LTBP1: variants seen among roughly 807,000 people sequenced by gnomAD.
LTBP1 encodes the protein latent transforming growth factor beta binding protein 1.
In LTBP1, 129 loss-of-function variants were observed where a neutral mutation model predicts 207.6. That is an observed-to-expected ratio of 0.62 (90% CI 0.54 to 0.72). LTBP1 has a LOEUF of 0.72. Ranked by LOEUF, LTBP1 falls within the 30% of genes least tolerant of loss-of-function variation. The probability of loss-of-function intolerance (pLI) is 0.00; values close to 1 mark genes in which losing one functional copy is unlikely to be tolerated. For missense variants in LTBP1, 2,281 were observed against 2,217.2 expected (o/e 1.03, Z -0.58); for synonymous variants, 963 against 833.7 (o/e 1.16, Z -2.67).
At chr2:33,070,117 G>A (rs936203870) in intron 3 of LTBP1, among the ~76,000 whole-genome samples, 1 of 152,200 alleles carries the variant, frequency 6.6e-6, no homozygotes, top group Non-Finnish European at 1.5e-5. Context: ...CTTAACACCA[G>A]TCATCATGGT....
intron 3 of LTBP1, among the ~76,000 whole-genome samples, chr2:33,036,646 C>T (rs148293583): frequency 1.3e-4 from 20 of 152,074 alleles, no homozygotes; most frequent in Non-Finnish European, 2.4e-4. Context: ...TTAGTAGAGA[C>T]GGGGTTTCAC....
chr2:33,077,523 A>AG (rs2078146720), intron 3 of LTBP1, among the ~76,000 whole-genome samples: 1 of 152,118 alleles, frequency 6.6e-6, no homozygotes, highest in Non-Finnish European at 1.5e-5. Flanking sequence ...AGGAAGAGAG[A>AG]GGGGGGTGAG....
intron 2 of LTBP1, among the ~76,000 whole-genome samples, chr2:32,984,255 T>G (rs1257908383): frequency 6.6e-6 from 1 of 152,248 alleles, no homozygotes; most frequent in Non-Finnish European, 1.5e-5. Context: ...TCATTCGACT[T>G]CTGATACTAC....
At chr2:33,277,815 T>TCTTTCTCTCTCTCTCTCTCTCTC (rs1558933866) in intron 18 of LTBP1, among the ~76,000 whole-genome samples, 2 of 86,012 alleles carry the variant, frequency 2.3e-5, no homozygotes, top group Non-Finnish European at 2.4e-5. Context: ...CTTTCTTTTT[T>TCTTTCTCTCTCTCTCTCTCTCTC]TCTTTCTTTC....
At chr2:33,367,495 C>T (rs2095005842) in intron 31 of LTBP1, among the ~76,000 whole-genome samples, 1 of 152,078 alleles carries the variant, frequency 6.6e-6, no homozygotes, top group Non-Finnish European at 1.5e-5. Flanking sequence ...CAACCCTTAC[C>T]CCACTTCCAG....
At chr2:33,130,818 G>C (rs1035010973) in intron 4 of LTBP1, among the ~76,000 whole-genome samples, 1 of 152,138 alleles carries the variant, frequency 6.6e-6, no homozygotes, top group Non-Finnish European at 1.5e-5. Flanking sequence ...TCTAGCCAAG[G>C]CCTCCAAAAC....
chr2:33,284,385 G>T (rs1269122898), intron 19 of LTBP1, among the ~76,000 whole-genome samples: 3 of 151,838 alleles, frequency 2.0e-5, no homozygotes, highest in Non-Finnish European at 4.4e-5. Context: ...ATGCTTTTTG[G>T]CAACTCTTGT....
At chr2:33,380,052 TATC>T (rs1300781975) in intron 31 of LTBP1, among the ~76,000 whole-genome samples, 12 of 152,370 alleles carry the variant, frequency 7.9e-5, no homozygotes, top group African/African-American at 2.9e-4. Flanking sequence ...ACCTTTGGAA[TATC>T]ATAAAATTTC....
At chr2:33,159,209 T>C (rs1225450382) in intron 5 of LTBP1, among the ~76,000 whole-genome samples, 2 of 152,228 alleles carry the variant, frequency 1.3e-5, no homozygotes, top group Non-Finnish European at 2.9e-5. Context: ...TACTTGCTGC[T>C]GTGGCTCCGC....
Position 33,347,394 on chromosome 2 carries a change from G to A in LTBP1, c.3884G>A (p.Gly1295Glu), listed in dbSNP as rs751125423. The A allele has an allele frequency of 6.2e-7, 1 of 1,614,148 alleles. No homozygotes were observed. Among genetic ancestry groups the A allele is most frequent in the Non-Finnish European group, 8.5e-7 (1 of 1,180,034 alleles). Residue 1295 changes from glycine to glutamate, a missense_variant, in exon 26 of 34, where the codon GGG becomes GAG. Physicochemically the swap from Gly to Glu is moderately conservative, Grantham distance 98. Coordinates refer to ENST00000404816, the MANE Select transcript of LTBP1 (RefSeq NM_206943.4). ...GTGAATGAATGTGAACTGCTCAGTG[G>A]GGTGTGTGGTGAAGCCTTCTGTGAA... ...VDVNECELLS[G>E]VCGEAFCENV...
At chr2:33,263,977 T>C (rs1322411517) in intron 15 of LTBP1, among the ~76,000 whole-genome samples, 18 of 140,400 alleles carry the variant, frequency 1.3e-4, no homozygotes, top group African/African-American at 4.6e-4. Context: ...AAAAAAGGAC[T>C]GGGTGCGGTG....
intron 25 of LTBP1, among the ~76,000 whole-genome samples, chr2:33,344,519 C>G (rs1339198623): frequency 6.6e-6 from 1 of 152,070 alleles, no homozygotes; most frequent in East Asian, 1.9e-4. Flanking sequence ...TCCTCCTGAC[C>G]TCTCCTTCCC....
chr2:33,386,677 T>C (rs1044988688), intron 31 of LTBP1, among the ~76,000 whole-genome samples: 1 of 152,064 alleles, frequency 6.6e-6, no homozygotes, highest in African/African-American at 2.4e-5. Flanking sequence ...TAACAAAAAT[T>C]AGCCAGGTTT....
intron 9 of LTBP1, among the ~76,000 whole-genome samples, chr2:33,230,469 T>G (rs1261392685): frequency 1.3e-5 from 2 of 152,178 alleles, no homozygotes; most frequent in Non-Finnish European, 2.9e-5. Flanking sequence ...CTCTCAGCAT[T>G]ATGGAATTGT....
In LTBP1 at chr2:33,360,622, C is replaced by A; in HGVS notation, c.4026C>A (p.Pro1342=). ...STDLDVDVDQ[P]KEEKKECYYN... is the part of the protein sequence containing the mutation. The stretch of plus-strand genomic sequence containing the variant: ...ATTTAGATGTAGATGTAGATCAACC[C>A]AAAGAAGAAAAGAAAGAATGCTACT... The change falls in exon 27 of 34, where the codon CCC becomes CCA. Residue 1342 remains proline, a synonymous_variant. Transcript: ENST00000404816. 1.9e-6 allele frequency: 3 copies of A among 1,613,404 alleles called. No individual in the cohort carries two copies. The highest frequency in any genetic ancestry group is 2.5e-6 in the Non-Finnish European group (3 of 1,179,462).
At chr2:33,054,615 G>A (rs2076898511) in intron 3 of LTBP1, among the ~76,000 whole-genome samples, 1 of 152,220 alleles carries the variant, frequency 6.6e-6, no homozygotes, top group Non-Finnish European at 1.5e-5. Context: ...AATTAAAACT[G>A]AGGAGGTGTG....
chr2:33,301,702 G>A, intron 22 of LTBP1, 58 bp downstream of exon 22: 5 of 1,455,246 alleles, frequency 3.4e-6, no homozygotes, highest in Non-Finnish European at 4.6e-6. Flanking sequence ...GGAAATCTGG[G>A]CATCATCTCA....
At chr2:33,191,022 C>A (rs1416845366) in intron 7 of LTBP1, among the ~76,000 whole-genome samples, 1 of 152,136 alleles carries the variant, frequency 6.6e-6, no homozygotes, top group Admixed American at 6.5e-5. Context: ...CTGAACTAGT[C>A]TTGGAGAGGG....
intron 3 of LTBP1, among the ~76,000 whole-genome samples, chr2:33,029,143 A>G (rs1021411763): frequency 2.6e-5 from 4 of 152,190 alleles, no homozygotes; most frequent in Admixed American, 1.3e-4. Context: ...TATTTAATCA[A>G]TATTAGTATC....
Sources: gnomAD v4.1 joint callset for allele counts (sites outside exome capture counted in the v4.1 genomes callset) on GRCh38, gnomAD v4.1.1 for gene constraint, MANE v1.5 for transcripts, NCBI Gene and HGNC (gene_info 2026-07-23, HGNC 2026-07-21) for gene names.